The following EPB41 variants were observed in gnomAD, a reference collection of about 807,000 sequenced individuals.
EPB41 encodes erythrocyte membrane protein band 4.1, also known as protein 4.1.
In EPB41, 65 loss-of-function variants were observed where a neutral mutation model predicts 108.0. The observed-to-expected ratio is 0.60, with a 90% CI of 0.49 to 0.74. The LOEUF (loss-of-function observed/expected upper bound fraction) is 0.74, where lower values mean the gene tolerates loss of function less well. EPB41 is among the 30% of genes least tolerant of loss of function. The probability of loss-of-function intolerance (pLI) is 0.00; values close to 1 mark genes in which losing one functional copy is unlikely to be tolerated. For synonymous variants in EPB41, 336 were observed against 358.9 expected (o/e 0.94, Z 0.72); for missense variants, 875 against 1,037.0 (o/e 0.84, Z 2.15).
intron 1 of EPB41, among the ~76,000 whole-genome samples, chr1:28,974,697 A>G (rs953692650): frequency 2.6e-5 from 4 of 152,196 alleles, no homozygotes; most frequent in Admixed American, 2.6e-4. Context: ...ACTTATGGGA[A>G]CAGGAAAAAC....
At chr1:28,889,145 C>T (rs1478100430) in intron 1 of EPB41, among the ~76,000 whole-genome samples, 1 of 152,176 alleles carries the variant, frequency 6.6e-6, no homozygotes, top group Non-Finnish European at 1.5e-5. Context: ...GAGTCCCAGG[C>T]TTGTACTTTG....
intron 2 of EPB41, among the ~76,000 whole-genome samples, chr1:28,993,035 A>G (rs1330986538): frequency 6.6e-6 from 1 of 152,178 alleles, no homozygotes; most frequent in East Asian, 1.9e-4. Context: ...ATACCGTGTA[A>G]TGGCTTGGTC....
chr1:28,947,362 C>T (rs531145653), intron 1 of EPB41, among the ~76,000 whole-genome samples: 1 of 151,536 alleles, frequency 6.6e-6, no homozygotes, highest in African/African-American at 2.4e-5. Flanking sequence ...GGGCGGAGAT[C>T]GCACCACTGC....
chr1:28,952,066 G>A (rs974339987), intron 1 of EPB41, among the ~76,000 whole-genome samples: 3 of 152,154 alleles, frequency 2.0e-5, no homozygotes, highest in Non-Finnish European at 2.9e-5. Flanking sequence ...ATAAGCAAGG[G>A]TAGGGTTAGA....
intron 1 of EPB41, among the ~76,000 whole-genome samples, chr1:28,932,253 G>T (rs1398225120): frequency 1.3e-5 from 2 of 152,116 alleles, no homozygotes; most frequent in African/African-American, 4.8e-5. Context: ...CTCCTGAGTA[G>T]CAGGGATTAC....
At chr1:29,098,679 C>T (rs1309993929) in intron 17 of EPB41, among the ~76,000 whole-genome samples, 1 of 152,138 alleles carries the variant, frequency 6.6e-6, no homozygotes, top group African/African-American at 2.4e-5. Flanking sequence ...GAGCCTTGAT[C>T]TCCTCTGCCC....
chr1:28,953,016 A>G (rs1225661998), intron 1 of EPB41, among the ~76,000 whole-genome samples: 2 of 151,986 alleles, frequency 1.3e-5, no homozygotes, highest in Non-Finnish European at 2.9e-5. Flanking sequence ...GGCATGAGCC[A>G]CTGCGCCCGG....
chr1:28,937,694 T>C (rs2148697032), intron 1 of EPB41, among the ~76,000 whole-genome samples: 1 of 152,260 alleles, frequency 6.6e-6, no homozygotes, highest in South Asian at 2.1e-4. Context: ...CGCCTGGCCA[T>C]AAGTTTTGAA....
At chr1:29,087,036 C>T (rs1659295163) in intron 16 of EPB41, among the ~76,000 whole-genome samples, 2 of 149,776 alleles carry the variant, frequency 1.3e-5, no homozygotes, top group African/African-American at 2.5e-5. Context: ...GCTCCGCCTC[C>T]TGGGTTCACG....
intron 12 of EPB41, among the ~76,000 whole-genome samples, chr1:29,055,026 A>G (rs1645133302): frequency 6.6e-6 from 1 of 152,118 alleles, no homozygotes; most frequent in Non-Finnish European, 1.5e-5. Context: ...TGACAGAGCA[A>G]GACTCCGTCT....
intron 1 of EPB41, among the ~76,000 whole-genome samples, chr1:28,901,120 G>A (rs993517970): frequency 8.6e-5 from 13 of 152,042 alleles, no homozygotes; most frequent in South Asian, 4.2e-4. Context: ...TAGTAGAGAT[G>A]GGGTTTCACT....
chr1:29,018,017 G>C lies in EPB41; in HGVS notation c.906-207G>C, dbSNP rs1022728142. On this transcript the variant is annotated intron_variant, in intron 6 of 20. Coordinates refer to ENST00000343067, the MANE Select transcript of EPB41 (RefSeq NM_001376013.1). The surrounding 1 kb of genome is among the most constrained non-coding windows in gnomAD (Gnocchi z 4.4). ...AATATGTAAAAATTTCAAACACACA[G>C]AGAGAAATAATAGCGCAATGAACTA... is the stretch of plus-strand genomic sequence containing the variant. Among the ~76,000 whole-genome samples the C allele has an allele frequency of 6.9e-6, 1 of 144,568 alleles. No homozygotes were observed. Among genetic ancestry groups the C allele is most frequent in the Non-Finnish European group, 1.5e-5 (1 of 67,936 alleles). 94.8% of individuals were successfully genotyped at this position (144,568 alleles called of 152,430 possible).
At chr1:28,926,614 C>T (rs2093463492) in intron 1 of EPB41, among the ~76,000 whole-genome samples, 1 of 152,208 alleles carries the variant, frequency 6.6e-6, no homozygotes, top group Non-Finnish European at 1.5e-5. Context: ...TTCCACACCT[C>T]AGTTTCTTCT....
At chr1:28,945,471 A>T (rs2094458179) in intron 1 of EPB41, among the ~76,000 whole-genome samples, 1 of 152,172 alleles carries the variant, frequency 6.6e-6, no homozygotes, top group Non-Finnish European at 1.5e-5. Context: ...TTAAATAGAT[A>T]ATTTTTAAAA....
rs540001604 is a variant in EPB41 at position 29,108,502 on chromosome 1, T to A, written c.2314-834T>A. On this transcript the variant is annotated intron_variant, in intron 17 of 20. Coordinates refer to ENST00000343067, the MANE Select transcript of EPB41 (RefSeq NM_001376013.1). ...CACTGACTCAGTGCTAAGGAAACTA[T>A]ACCCATCCAACTTTCTTAGAAGGAA... 5.3e-5 allele frequency among the ~76,000 whole-genome samples: 8 copies of A among 152,162 alleles called. No individual in the cohort carries two copies. The East Asian group carries it at 1.5e-3, about 29-fold the overall frequency.
rs371977238 is a variant in EPB41 at position 29,015,758 on chromosome 1, A to G, written c.896A>G (p.Asp299Gly). Residue 299 changes from aspartate (D) to glycine (G), a missense_variant, in exon 6 of 21, where the codon GAC becomes GGC. Around this residue, in one of 3 missense-constraint regions of EPB41, gnomAD observed 353 missense variants for 393.2 expected, o/e 0.90. Transcript: ENST00000343067. ...YPPDPAQLTE[D>G]ITRYYLCLQL... is the part of the protein sequence containing the mutation. ...CCTGACCCAGCACAGTTAACAGAAG[A>G]CATAACAAGGTAAATAAGTAATAGT... 106 of 1,594,616 alleles carry G rather than the reference A, an allele frequency of 6.6e-5. No homozygotes were observed. Among genetic ancestry groups the G allele is most frequent in the Non-Finnish European group, 8.9e-5 (103 of 1,163,006 alleles).
At chr1:28,995,527 A>T (rs1415608682) in intron 3 of EPB41, among the ~76,000 whole-genome samples, 1 of 152,194 alleles carries the variant, frequency 6.6e-6, no homozygotes, top group Non-Finnish European at 1.5e-5. Context: ...ACACCACTGC[A>T]CTCCAGCCTG....
At chr1:29,064,621 C>G (rs923411722) in intron 15 of EPB41, among the ~76,000 whole-genome samples, 4 of 152,126 alleles carry the variant, frequency 2.6e-5, no homozygotes, top group African/African-American at 9.7e-5. Context: ...AATTTCTTAT[C>G]AAGCTGAGGC....
In EPB41 at chr1:29,033,113, C is replaced by T; in HGVS notation, c.1233C>T (p.Ile411=). The change falls in exon 9 of 21, where the codon ATC becomes ATT. Residue 411 remains isoleucine (I), a synonymous_variant. Coordinates refer to ENST00000343067, the MANE Select transcript of EPB41 (RefSeq NM_001376013.1). ...HKAKDLEGVD[I]ILGVCSSGLL... ...TTCAGGACTTGGAAGGAGTAGATAT[C>T]ATCCTAGGTGTCTGCTCTAGTGGCC... The T allele has an allele frequency of 3.7e-6, 6 of 1,613,862 alleles. No individual in the cohort carries two copies. The highest frequency in any genetic ancestry group is 4.2e-6 in the Non-Finnish European group (5 of 1,179,892).
Sources: gnomAD v4.1 joint callset for allele counts (sites outside exome capture counted in the v4.1 genomes callset) on GRCh38, gnomAD v4.1.1 for gene constraint, gnomAD v4.1.1 regional missense constraint, Gnocchi (gnomAD v3.1) non-coding constraint, MANE v1.5 for transcripts, NCBI Gene and HGNC (gene_info 2026-07-23, HGNC 2026-07-21) for gene names.